Variants in SHROOM3 observed in about 807,000 individuals in gnomAD.
SHROOM3 encodes protein Shroom3.
A neutral mutation model predicts 138.6 loss-of-function variants in SHROOM3; 47 were observed. The ratio of observed to expected loss-of-function variants is 0.34; its 90% CI spans 0.27 to 0.43. The LOEUF (loss-of-function observed/expected upper bound fraction) is 0.43, where lower values mean the gene tolerates loss of function less well. SHROOM3 is among the 20% of genes least tolerant of loss of function. SHROOM3 has a pLI of 1.00. For synonymous variants in SHROOM3, 1,062 were observed against 1,063.3 expected, an observed-to-expected ratio of 1.00 and a Z score of 0.02; for missense variants, 2,491 against 2,596.5, an observed-to-expected ratio of 0.96 and a Z score of 0.88.
chr4:76,648,973 AAGG>A (rs1328229892), intron 2 of SHROOM3, among the ~76,000 whole-genome samples: 1 of 138,434 alleles, frequency 7.2e-6, no homozygotes, highest in African/African-American at 2.7e-5. Context: ...TAAATAAAAA[AAGG>A]AGGACAAAAT....
In SHROOM3 at chr4:76,748,025, C is replaced by G. The variant is rs983705964; in HGVS notation, c.3754-992C>G. 3.3e-5 allele frequency among the ~76,000 whole-genome samples: 5 copies of G among 152,166 alleles called. No individual in the cohort carries two copies. The East Asian group carries it at 9.6e-4, about 29-fold the overall frequency. On this transcript the variant is annotated intron_variant, in intron 5 of 10. Coordinates refer to ENST00000296043, the MANE Select transcript of SHROOM3 (RefSeq NM_020859.4). ...AAAGTCAAGTGCCTAATATTCCAGG[C>G]ATATAATTTGTTGGTGCAAGGTACT... is the stretch of plus-strand genomic sequence containing the variant.
In SHROOM3 at chr4:76,741,851, G is replaced by A. The variant is rs139164118; in HGVS notation, c.3678G>A (p.Leu1226=). Residue 1226 remains leucine (L), a synonymous_variant, in exon 5 of 11, where the codon CTG becomes CTA. Transcript: ENST00000296043. This position sits in a 1 kb window ranked among gnomAD's most constrained non-coding sequence, Gnocchi z 6.2. ...AGKSMSAEDL[L]ERSDVLAGPV... is the part of the protein sequence containing the mutation. ...AGTCCATGTCGGCCGAGGACCTGCT[G>A]GAACGCTCGGACGTCCTTGCGGGCC... The A allele has an allele frequency of 5.6e-6, 9 of 1,609,236 alleles. No individual in the cohort carries two copies. Among genetic ancestry groups the A allele is most frequent in the Middle Eastern group, 1.7e-4 (1 of 6,056 alleles).
chr4:76,762,731 T>A (rs977230579), intron 9 of SHROOM3, among the ~76,000 whole-genome samples: 2 of 152,186 alleles, frequency 1.3e-5, no homozygotes, highest in Non-Finnish European at 2.9e-5. Flanking sequence ...GCCTTGGGCA[T>A]ACAAACATGA....
At chr4:76,585,520 G>C (rs907896421) in intron 2 of SHROOM3, among the ~76,000 whole-genome samples, 1 of 152,098 alleles carries the variant, frequency 6.6e-6, no homozygotes, top group Admixed American at 6.5e-5. Context: ...ATACAGCTGC[G>C]AAGGATTGCG....
chr4:76,718,188 A>G (rs532405381), intron 3 of SHROOM3, among the ~76,000 whole-genome samples: 12 of 152,338 alleles, frequency 7.9e-5, no homozygotes, highest in African/African-American at 2.6e-4. Flanking sequence ...TCATCTATAT[A>G]TAGAGAGATT....
intron 1 of SHROOM3, among the ~76,000 whole-genome samples, chr4:76,447,511 C>G (rs1342737659): frequency 6.6e-6 from 1 of 151,968 alleles, no homozygotes; most frequent in African/African-American, 2.4e-5. Flanking sequence ...TGGCTGCATT[C>G]CAGAAATAAA....
chr4:76,744,281 G>A (rs1466633610), intron 5 of SHROOM3, among the ~76,000 whole-genome samples: 1 of 152,224 alleles, frequency 6.6e-6, no homozygotes, highest in Non-Finnish European at 1.5e-5. Context: ...TGGGGAATAT[G>A]CAGGCAGAGA....
intron 1 of SHROOM3, among the ~76,000 whole-genome samples, chr4:76,494,915 A>AAAAC (rs367734035): frequency 0.014 from 2,145 of 152,308 alleles, 27 homozygotes; most frequent in Non-Finnish European, 0.021. Context: ...GTTCTGTTAA[A>AAAAC]AAACAAACAA....
intron 1 of SHROOM3, among the ~76,000 whole-genome samples, chr4:76,499,925 C>T (rs1432748238): frequency 6.6e-6 from 1 of 152,176 alleles, no homozygotes. Context: ...ATGATAGCTA[C>T]CACTTACGGA....
chr4:76,469,150 A>G (rs921613418), intron 1 of SHROOM3, among the ~76,000 whole-genome samples: 1 of 152,088 alleles, frequency 6.6e-6, no homozygotes, highest in Non-Finnish European at 1.5e-5. Flanking sequence ...GCAGTGAACC[A>G]AGATCACACC....
At chr4:76,691,248 T>G (rs1463257693) in intron 2 of SHROOM3, among the ~76,000 whole-genome samples, 1 of 152,162 alleles carries the variant, frequency 6.6e-6, no homozygotes, top group Non-Finnish European at 1.5e-5. Flanking sequence ...CCTGGAGATT[T>G]TAAGAATAGG....
At chr4:76,548,722 C>T (rs999059844) in intron 1 of SHROOM3, among the ~76,000 whole-genome samples, 1 of 152,190 alleles carries the variant, frequency 6.6e-6, no homozygotes, top group Non-Finnish European at 1.5e-5. Flanking sequence ...CCTCTTATGT[C>T]AGAAAAGTAA....
intron 1 of SHROOM3, among the ~76,000 whole-genome samples, chr4:76,519,799 G>A (rs11727264): frequency 1.3e-5 from 2 of 152,202 alleles, no homozygotes; most frequent in Admixed American, 6.5e-5. Context: ...GTATTATTCA[G>A]AATGAAATCT....
At chr4:76,661,123 T>C (rs1225450720) in intron 2 of SHROOM3, among the ~76,000 whole-genome samples, 1 of 152,118 alleles carries the variant, frequency 6.6e-6, no homozygotes, top group Non-Finnish European at 1.5e-5. Context: ...ATATTTTTAT[T>C]GAGAGATAAT....
At chr4:76,711,330 C>T (rs1177614824) in intron 3 of SHROOM3, among the ~76,000 whole-genome samples, 2 of 152,210 alleles carry the variant, frequency 1.3e-5, no homozygotes, top group African/African-American at 4.8e-5. Context: ...ACATGTCAAG[C>T]ACTAGGGCTG....
At chr4:76,689,435 C>A in intron 2 of SHROOM3, 1 of 790,330 alleles carries the variant, frequency 1.3e-6, no homozygotes, top group Non-Finnish European at 1.5e-6. Flanking sequence ...CCGGGCGGGA[C>A]GAGAGGTGGG....
intron 10 of SHROOM3, among the ~76,000 whole-genome samples, chr4:76,772,164 C>T (rs889437877): frequency 5.4e-5 from 8 of 147,426 alleles, no homozygotes; most frequent in African/African-American, 7.5e-5. Flanking sequence ...AGTGCAGTGG[C>T]GCAATCTAAG....
intron 4 of SHROOM3, among the ~76,000 whole-genome samples, chr4:76,733,007 T>C (rs2110129617): frequency 6.6e-6 from 1 of 152,274 alleles, no homozygotes; most frequent in Non-Finnish European, 1.5e-5. Context: ...TGAGGGTGAA[T>C]GGCCAGCACA....
chr4:76,437,229 T>G (rs1175020811), intron 1 of SHROOM3, among the ~76,000 whole-genome samples: 1 of 152,206 alleles, frequency 6.6e-6, no homozygotes, highest in Admixed American at 6.5e-5. Context: ...ATAAGTTGTA[T>G]GACTTTTCCT....
Sources: allele counts gnomAD v4.1 joint callset (sites outside exome capture counted in the v4.1 genomes callset), GRCh38; gene constraint gnomAD v4.1.1; non-coding constraint Gnocchi (gnomAD v3.1); transcripts MANE v1.5; gene names NCBI Gene and HGNC (gene_info 2026-07-23, HGNC 2026-07-21).